Variants in SNX13 observed in about 807,000 individuals in gnomAD.
SNX13 encodes sorting nexin-13.
A neutral mutation model predicts 133.6 loss-of-function variants in SNX13; 45 were observed. The observed-to-expected ratio is 0.34, with a 90% CI of 0.27 to 0.43. The LOEUF (loss-of-function observed/expected upper bound fraction) is 0.43. Ranked by LOEUF, SNX13 falls within the 20% of genes least tolerant of loss-of-function variation. The pLI is 1.00. For synonymous variants in SNX13, 414 were observed against 373.9 expected (o/e 1.11, Z -1.24); for missense variants, 1,032 against 1,145.1 (o/e 0.90, Z 1.43).
intron 8 of SNX13, among the ~76,000 whole-genome samples, chr7:17,869,374 T>C (rs1793775431): frequency 6.6e-6 from 1 of 152,088 alleles, no homozygotes; most frequent in African/African-American, 2.4e-5. Context: ...AGGCATTTGA[T>C]AAATGAGTAG....
chr7:17,795,809 T>C (rs1290396991), intron 25 of SNX13: 5 of 151,830 alleles, frequency 3.3e-5, no homozygotes, highest in Admixed American at 3.3e-4. Flanking sequence ...TATTAAATAA[T>C]ATCCTAAGCA....
intron 1 of SNX13, among the ~76,000 whole-genome samples, chr7:17,915,482 A>G (rs991786373): frequency 1.3e-5 from 2 of 152,198 alleles, no homozygotes; most frequent in African/African-American, 4.8e-5. Context: ...GTCAACCGAC[A>G]AACAACCCCA....
chr7:17,864,673 T>TA (rs1486250835), intron 9 of SNX13, among the ~76,000 whole-genome samples: 2 of 151,252 alleles, frequency 1.3e-5, no homozygotes, highest in African/African-American at 4.9e-5. Context: ...AAAACACCAA[T>TA]AAAATTCAAT....
chr7:17,870,769 T>C (rs1793997725), intron 8 of SNX13, among the ~76,000 whole-genome samples: 1 of 152,150 alleles, frequency 6.6e-6, no homozygotes, highest in Admixed American at 6.5e-5. Flanking sequence ...CTGTCCTCAT[T>C]AGAGTTACAA....
intron 15 of SNX13, 43 bp downstream of exon 15, chr7:17,834,009 T>C (rs368702040): frequency 1.5e-6 from 2 of 1,339,242 alleles, no homozygotes; most frequent in Non-Finnish European, 1.9e-6. Context: ...AGAATATATA[T>C]AAATATATAT....
chr7:17,834,476 A>C (rs1788906400), intron 14 of SNX13, among the ~76,000 whole-genome samples: 2 of 151,894 alleles, frequency 1.3e-5, no homozygotes, highest in South Asian at 4.1e-4. Flanking sequence ...ATGAATTTGA[A>C]AGACATGTTA....
At chr7:17,877,943 T>C (rs1794912543) in intron 5 of SNX13, among the ~76,000 whole-genome samples, 1 of 152,026 alleles carries the variant, frequency 6.6e-6, no homozygotes, top group Non-Finnish European at 1.5e-5. Flanking sequence ...GCACACTTCT[T>C]CCCATTTATA....
rs577134822 is a variant in SNX13 at position 17,818,762 on chromosome 7, T to C, written c.1846-2473A>G. On this transcript the variant is annotated intron_variant, in intron 18 of 25. Transcript: ENST00000428135. ...ATTCTACAATCAAAGATCTTACTTTTCTACATTAAAAACACAAGTTTAGAT... is the reference window on the plus strand; with the variant it reads ...ATTCTACAATCAAAGATCTTACTTTCCTACATTAAAAACACAAGTTTAGAT... Among the ~76,000 whole-genome samples, 94 of 152,326 alleles carry C rather than the reference T, an allele frequency of 6.2e-4. No individual in the cohort carries two copies. In the South Asian group the frequency reaches 0.017, roughly 28 times the overall value.
chr7:17,796,088 A>T (rs1201534162), intron 25 of SNX13: 1 of 151,698 alleles, frequency 6.6e-6, no homozygotes, highest in East Asian at 1.9e-4. Context: ...ACATGCAGGC[A>T]TTTTCAAAGA....
At chr7:17,892,501 TAA>T (rs977738946) in intron 3 of SNX13, among the ~76,000 whole-genome samples, 7 of 137,606 alleles carry the variant, frequency 5.1e-5, no homozygotes, top group Non-Finnish European at 3.2e-5. Flanking sequence ...GACTTATAAG[TAA>T]AAAAAAAAAA....
chr7:17,871,419 C>G (rs1794110286), intron 8 of SNX13, among the ~76,000 whole-genome samples: 1 of 152,170 alleles, frequency 6.6e-6, no homozygotes, highest in Admixed American at 6.5e-5. Context: ...AAAGACCATC[C>G]TTGACCAAAC....
At chr7:17,809,558 C>G (rs368290240) in intron 20 of SNX13, among the ~76,000 whole-genome samples, 36 of 152,236 alleles carry the variant, frequency 2.4e-4, no homozygotes, top group African/African-American at 8.4e-4. Context: ...TTAGACAGAT[C>G]AATGAGACAG....
chr7:17,938,611 T>A (rs1204889776), intron 1 of SNX13, among the ~76,000 whole-genome samples: 1 of 152,248 alleles, frequency 6.6e-6, no homozygotes, highest in African/African-American at 2.4e-5. Flanking sequence ...TACTTAATAT[T>A]ATCATTGATT....
chr7:17,833,694 A>G (rs1788791668), intron 15 of SNX13, among the ~76,000 whole-genome samples: 1 of 151,596 alleles, frequency 6.6e-6, no homozygotes, highest in Non-Finnish European at 1.5e-5. Context: ...ATATACTCTG[A>G]GTCATTACTT....
At chr7:17,901,674 G>A (rs1350105362) in intron 1 of SNX13, among the ~76,000 whole-genome samples, 1 of 152,156 alleles carries the variant, frequency 6.6e-6, no homozygotes, top group Non-Finnish European at 1.5e-5. Context: ...CTCAGCTTCT[G>A]CCAGGGGATG....
intron 7 of SNX13, among the ~76,000 whole-genome samples, chr7:17,874,343 T>A (rs2128353744): frequency 6.6e-6 from 1 of 152,256 alleles, no homozygotes; most frequent in African/African-American, 2.4e-5. Context: ...CAGATACTAG[T>A]CTATGTGTTA....
chr7:17,915,026 GATCT>G (rs1342041274), intron 1 of SNX13, among the ~76,000 whole-genome samples: 1 of 152,108 alleles, frequency 6.6e-6, no homozygotes, highest in African/African-American at 2.4e-5. Flanking sequence ...GTTGAAGAAG[GATCT>G]ATCACACAAA....
intron 9 of SNX13, among the ~76,000 whole-genome samples, chr7:17,853,474 T>A (rs1237488414): frequency 6.6e-6 from 1 of 152,162 alleles, no homozygotes; most frequent in African/African-American, 2.4e-5. Context: ...GGATCAATTA[T>A]ACAGTGGAAG....
intron 2 of SNX13, 29 bp from the exon 3 acceptor site, chr7:17,893,463 A>G: frequency 7.4e-7 from 1 of 1,356,774 alleles, no homozygotes; most frequent in Non-Finnish European, 1.0e-6. Flanking sequence ...TCACAAATAT[A>G]AAAACAAAAT....
Sources: allele counts gnomAD v4.1 joint callset (sites outside exome capture counted in the v4.1 genomes callset), GRCh38; gene constraint gnomAD v4.1.1; transcripts MANE v1.5; gene names NCBI Gene and HGNC (gene_info 2026-07-23, HGNC 2026-07-21).